ELMO1: variants seen among roughly 807,000 people sequenced by gnomAD.
ELMO1 encodes engulfment and cell motility 1.
In ELMO1, 26 loss-of-function variants were observed where a neutral mutation model predicts 98.9. The observed-to-expected ratio is 0.26, with a 90% CI of 0.19 to 0.36. ELMO1 has a LOEUF of 0.36. ELMO1 is among the 10% of genes least tolerant of loss of function. ELMO1 has a pLI of 1.00. For synonymous variants in ELMO1, 346 were observed against 346.0 expected (o/e 1.00, Z 0.00); for missense variants, 627 against 935.2 (o/e 0.67, Z 4.30).
intron 1 of ELMO1, among the ~76,000 whole-genome samples, chr7:37,397,578 C>T (rs996078225): frequency 7.2e-5 from 11 of 152,208 alleles, no homozygotes; most frequent in Non-Finnish European, 1.2e-4. Context: ...GTTTCCTCAT[C>T]AAGATGGACA....
At chr7:37,045,247 T>C (rs1795733929) in intron 15 of ELMO1, among the ~76,000 whole-genome samples, 1 of 152,220 alleles carries the variant, frequency 6.6e-6, no homozygotes, top group East Asian at 1.9e-4. Context: ...TCAGCTACTA[T>C]TACTATTACT....
At chr7:37,141,687 C>G (rs1787651824) in intron 13 of ELMO1, among the ~76,000 whole-genome samples, 1 of 152,118 alleles carries the variant, frequency 6.6e-6, no homozygotes. Flanking sequence ...TATGAAATAA[C>G]ATACTTTCAT....
chr7:37,327,369 A>G (rs1799873621), intron 2 of ELMO1, among the ~76,000 whole-genome samples: 1 of 152,266 alleles, frequency 6.6e-6, no homozygotes, highest in Admixed American at 6.5e-5. Context: ...TCAATAGGAT[A>G]AACAGAAATG....
intron 13 of ELMO1, among the ~76,000 whole-genome samples, chr7:37,167,335 T>G (rs983102809): frequency 2.0e-5 from 3 of 152,224 alleles, no homozygotes; most frequent in African/African-American, 4.8e-5. Flanking sequence ...TTCGTCCATT[T>G]ACATTTAAAG....
chr7:37,111,881 C>T (rs1343513330), intron 14 of ELMO1, among the ~76,000 whole-genome samples: 1 of 152,188 alleles, frequency 6.6e-6, no homozygotes, highest in Non-Finnish European at 1.5e-5. Context: ...TCATCATTGG[C>T]TTATAGAGAA....
At chr7:37,417,660 T>TCACACACACACACACACACACA (rs34297401) in intron 1 of ELMO1, among the ~76,000 whole-genome samples, 2 of 109,628 alleles carry the variant, frequency 1.8e-5, no homozygotes, top group Non-Finnish European at 2.2e-5. Context: ...TAAGACTCCG[T>TCACACACACACACACACACACA]CACACACACA....
intron 15 of ELMO1, among the ~76,000 whole-genome samples, chr7:37,087,616 T>C (rs1187204113): frequency 6.6e-6 from 1 of 152,234 alleles, no homozygotes; most frequent in Non-Finnish European, 1.5e-5. Flanking sequence ...TTCAAGCTCC[T>C]CTTGCTTCCC....
At chr7:37,339,981 C>T (rs1345477455) in intron 2 of ELMO1, among the ~76,000 whole-genome samples, 1 of 152,134 alleles carries the variant, frequency 6.6e-6, no homozygotes, top group African/African-American at 2.4e-5. Flanking sequence ...CCTAAAATAG[C>T]TGTCCTGTAC....
At position 37,236,776 on chromosome 7, in the gene ELMO1, C is replaced by T. The variant is rs1043839078; in HGVS notation, c.450-3582G>A. Among the ~76,000 whole-genome samples the T allele has an allele frequency of 6.6e-5, 10 of 152,216 alleles. 1 individual carries two copies. The Middle Eastern group carries it at 0.01, about 155-fold the overall frequency. ...TTATTACATTCCAAATCAAGGGATT[C>T]AATCACCTCTTTCAAGTGAGATGGC... On this transcript the variant is annotated intron_variant, in intron 7 of 21. Transcript: ENST00000310758.
chr7:37,075,434 C>G (rs1024209036), intron 15 of ELMO1, among the ~76,000 whole-genome samples: 1 of 151,958 alleles, frequency 6.6e-6, no homozygotes, highest in South Asian at 2.1e-4. Context: ...GGGTTACAGG[C>G]GTGAGCCACC....
At chr7:36,903,671 G>C (rs1783749599) in intron 16 of ELMO1, among the ~76,000 whole-genome samples, 1 of 152,206 alleles carries the variant, frequency 6.6e-6, no homozygotes, top group Non-Finnish European at 1.5e-5. Flanking sequence ...AGCTAGGGTG[G>C]AGGAACACTG....
intron 13 of ELMO1, among the ~76,000 whole-genome samples, chr7:37,207,028 A>G (rs1303385416): frequency 3.3e-5 from 5 of 152,194 alleles, no homozygotes; most frequent in African/African-American, 1.2e-4. Context: ...GAGAGACTAC[A>G]AATTGGAAAT....
At chr7:37,165,305 T>A (rs997260987) in intron 13 of ELMO1, among the ~76,000 whole-genome samples, 1 of 151,858 alleles carries the variant, frequency 6.6e-6, no homozygotes, top group Non-Finnish European at 1.5e-5. Flanking sequence ...GACTTCCTCT[T>A]TTCCTAATTG....
chr7:36,884,308 CTG>C (rs1804732204), intron 18 of ELMO1, among the ~76,000 whole-genome samples: 2 of 122,742 alleles, frequency 1.6e-5, no homozygotes, highest in Non-Finnish European at 3.3e-5. Context: ...CAGAGCGAGA[CTG>C]TCTCAAAAAA....
At chr7:37,244,656 G>A (rs111272152) in intron 6 of ELMO1, among the ~76,000 whole-genome samples, 4 of 152,130 alleles carry the variant, frequency 2.6e-5, no homozygotes, top group South Asian at 4.1e-4. Flanking sequence ...ATCCAAAACC[G>A]TCCATTTAGA....
intron 15 of ELMO1, among the ~76,000 whole-genome samples, chr7:37,057,756 C>T (rs1015962915): frequency 6.6e-6 from 1 of 152,318 alleles, no homozygotes; most frequent in Non-Finnish European, 1.5e-5. Flanking sequence ...GAACACTTCT[C>T]TTCACATTTC....
intron 17 of ELMO1, 71 bp from the exon 18 acceptor site, chr7:36,887,743 G>T: frequency 1.5e-6 from 2 of 1,377,150 alleles, no homozygotes; most frequent in South Asian, 1.2e-5. Context: ...GGCATCATGG[G>T]CATACGGGCA....
At chr7:37,254,220 G>A (rs1399641101) in intron 6 of ELMO1, among the ~76,000 whole-genome samples, 1 of 152,110 alleles carries the variant, frequency 6.6e-6, no homozygotes, top group Non-Finnish European at 1.5e-5. Context: ...AACAGGAAGG[G>A]GGACACCAAA....
chr7:37,387,896 A>G (rs927395434), intron 1 of ELMO1, among the ~76,000 whole-genome samples: 2 of 152,180 alleles, frequency 1.3e-5, no homozygotes, highest in Non-Finnish European at 2.9e-5. Context: ...CAGTGGCACA[A>G]TCACAGCACA....
Sources: gnomAD v4.1 joint callset for allele counts (sites outside exome capture counted in the v4.1 genomes callset) on GRCh38, gnomAD v4.1.1 for gene constraint, MANE v1.5 for transcripts, NCBI Gene and HGNC (gene_info 2026-07-23, HGNC 2026-07-21) for gene names.